Variants in EML6 observed in about 807,000 individuals in gnomAD.
The protein encoded by EML6 is EMAP like 6, also known as echinoderm microtubule-associated protein-like 6.
In EML6, 154 loss-of-function variants were observed where a neutral mutation model predicts 240.1. That is an observed-to-expected ratio of 0.64 (90% CI 0.56 to 0.73). EML6 has a LOEUF of 0.73. EML6 is among the 30% of genes least tolerant of loss of function. EML6 has a pLI of 0.00. For missense variants in EML6, 2,964 were observed against 2,474.6 expected, an observed-to-expected ratio of 1.20 and a Z score of -4.20; for synonymous variants, 1,148 against 899.0, an observed-to-expected ratio of 1.28 and a Z score of -4.95.
intron 13 of EML6, among the ~76,000 whole-genome samples, chr2:54,864,866 C>T (rs1670883667): frequency 6.6e-6 from 1 of 152,172 alleles, no homozygotes; most frequent in Admixed American, 6.5e-5. Context: ...GTCATTGATT[C>T]AGAGTTTGAA....
chr2:54,970,057 A>C lies in EML6; in HGVS notation c.5853-14A>C, dbSNP rs1223397694. ...TCCAGCTATGCAAAATGACTGTTTG[A>C]TCTGCCTTTTCAGTGTATTTGTGTG... On this transcript the variant is annotated splice_polypyrimidine_tract_variant and intron_variant, in intron 41 of 41. Transcript: ENST00000356458. 1.9e-6 allele frequency: 3 copies of C among 1,551,584 alleles called. No individual in the cohort carries two copies. In the African/African-American group the frequency reaches 4.1e-5, roughly 21 times the overall value.
intron 2 of EML6, among the ~76,000 whole-genome samples, chr2:54,745,696 G>T (rs557217629): frequency 5.9e-5 from 9 of 152,234 alleles, no homozygotes; most frequent in East Asian, 1.9e-4. Context: ...AGAGAGTATT[G>T]CTTGAGCCCA....
In EML6 at chr2:54,964,036, C is replaced by T. The variant is rs929145110; in HGVS notation, c.5208C>T (p.Tyr1736=). ...GCCATGCGGCCAGGTGTGCAGCCTA[C>T]AGCCCTGATGGGGAGATGGTGGCCA... The part of the protein sequence containing the change: ...SLGHAARCAA[Y]SPDGEMVAIG... Residue 1736 remains tyrosine (Y), a synonymous_variant, in exon 37 of 42, where the codon TAC becomes TAT. Transcript: ENST00000356458. 2.2e-5 allele frequency: 34 copies of T among 1,551,594 alleles called. No homozygotes were observed. Among genetic ancestry groups the T allele is most frequent in the Non-Finnish European group, 2.9e-5 (33 of 1,146,984 alleles).
At chr2:54,761,997 GACACA>G (rs1668000937) in intron 2 of EML6, among the ~76,000 whole-genome samples, 1 of 152,134 alleles carries the variant, frequency 6.6e-6, no homozygotes, top group South Asian at 2.1e-4. Flanking sequence ...ATTTAATGTT[GACACA>G]ATACTGTTAT....
chr2:54,904,805 A>T (rs1369164446), intron 24 of EML6, among the ~76,000 whole-genome samples: 2 of 152,200 alleles, frequency 1.3e-5, no homozygotes, highest in Non-Finnish European at 2.9e-5. Flanking sequence ...CAATCAAATT[A>T]ATCAGGAGAA....
At chr2:54,868,126 T>C (rs547002926) in intron 14 of EML6, 2 of 152,236 alleles carry the variant, frequency 1.3e-5, no homozygotes, top group African/African-American at 4.8e-5. Flanking sequence ...CATGTTGATA[T>C]AGTAATATCT....
In EML6 at chr2:54,725,540, C is replaced by T. The variant is rs1286912395; in HGVS notation, c.197+282C>T. ...TCTGATGCTTTCTTGCTGTTCTTTC[C>T]TGCTACAAGTGGAAGGAGCCTGGGT... On this transcript the variant is annotated intron_variant, in intron 2 of 41. Transcript: ENST00000356458. The surrounding 1 kb of genome is among the most constrained non-coding windows in gnomAD (Gnocchi z 4.3). Among the ~76,000 whole-genome samples the T allele has an allele frequency of 6.6e-6, 1 of 152,166 alleles. No homozygotes were observed. Among genetic ancestry groups the T allele is most frequent in the Non-Finnish European group, 1.5e-5 (1 of 68,032 alleles).
At chr2:54,737,527 G>A (rs1433176568) in intron 2 of EML6, among the ~76,000 whole-genome samples, 2 of 152,122 alleles carry the variant, frequency 1.3e-5, no homozygotes, top group Non-Finnish European at 1.5e-5. Flanking sequence ...TTGAACTCCT[G>A]ACCTTAATAA....
chr2:54,766,292 A>T (rs1406022743), intron 2 of EML6, among the ~76,000 whole-genome samples: 1 of 152,202 alleles, frequency 6.6e-6, no homozygotes, highest in Non-Finnish European at 1.5e-5. Flanking sequence ...GCAAAAGAAA[A>T]TCCCAGATCA....
At chr2:54,762,645 T>G (rs941690215) in intron 2 of EML6, among the ~76,000 whole-genome samples, 14 of 152,208 alleles carry the variant, frequency 9.2e-5, no homozygotes, top group Admixed American at 8.5e-4. Context: ...CTTATTTATT[T>G]TGATGCTCAG....
At chr2:54,775,783 G>T (rs1272650986) in intron 2 of EML6, among the ~76,000 whole-genome samples, 1 of 152,024 alleles carries the variant, frequency 6.6e-6, no homozygotes, top group Non-Finnish European at 1.5e-5. Context: ...CTGCCCTTGT[G>T]GAATGGGAAT....
intron 7 of EML6, among the ~76,000 whole-genome samples, chr2:54,840,745 C>T (rs897130392): frequency 6.6e-6 from 1 of 152,184 alleles, no homozygotes; most frequent in African/African-American, 2.4e-5. Flanking sequence ...GTCACTGTGC[C>T]AGGTATTGAG....
intron 2 of EML6, among the ~76,000 whole-genome samples, chr2:54,808,322 G>T (rs1221190341): frequency 6.6e-6 from 1 of 152,100 alleles, no homozygotes; most frequent in African/African-American, 2.4e-5. Flanking sequence ...TGCCTTTTCT[G>T]CCTTGCAGAT....
intron 2 of EML6, among the ~76,000 whole-genome samples, chr2:54,792,663 T>A (rs1354125670): frequency 2.6e-5 from 4 of 152,238 alleles, no homozygotes; most frequent in African/African-American, 9.6e-5. Flanking sequence ...TTTTCCTGTA[T>A]GTAATTTATA....
intron 18 of EML6, among the ~76,000 whole-genome samples, chr2:54,891,570 G>A (rs1672469495): frequency 6.6e-6 from 1 of 152,094 alleles, no homozygotes; most frequent in African/African-American, 2.4e-5. Flanking sequence ...ACAAATAGGT[G>A]GTCCAATAAA....
In EML6 at chr2:54,869,166, G is replaced by A. The variant is rs1323768984; in HGVS notation, c.2052-15G>A. Reference sequence around the variant, plus strand: ...TTTGTTCAACCACTATGCATTTCTTGGACCTGTGCTTCAGTTATAGAGGCT... The same window carrying A: ...TTTGTTCAACCACTATGCATTTCTTAGACCTGTGCTTCAGTTATAGAGGCT... On this transcript the variant is annotated splice_polypyrimidine_tract_variant and intron_variant, in intron 14 of 41. Transcript: ENST00000356458. 1 of 1,532,008 alleles carries A rather than the reference G, an allele frequency of 6.5e-7. No homozygotes were observed. Among genetic ancestry groups the A allele is most frequent in the Non-Finnish European group, 8.8e-7 (1 of 1,131,732 alleles). The allele number at this position is 1,532,008 out of a possible 1,614,324, so 94.9% of individuals were successfully genotyped here.
At chr2:54,807,730 A>C (rs1670572722) in intron 2 of EML6, among the ~76,000 whole-genome samples, 1 of 152,194 alleles carries the variant, frequency 6.6e-6, no homozygotes. Flanking sequence ...AGTATGTATT[A>C]CCTTTGCTTT....
At chr2:54,957,742 G>A (rs1334352497) in intron 32 of EML6, 48 bp from the exon 33 acceptor site, 1 of 1,526,038 alleles carries the variant, frequency 6.6e-7, no homozygotes, top group Admixed American at 2.0e-5. Context: ...CCCCCGGCCT[G>A]GCCCATGAAG....
chr2:54,933,761 A>C (rs1573173456), intron 28 of EML6, among the ~76,000 whole-genome samples: 1 of 151,138 alleles, frequency 6.6e-6, no homozygotes, highest in African/African-American at 2.4e-5. Context: ...CCCACTAAAA[A>C]CCCCCACTAT....
Sources: allele counts gnomAD v4.1 joint callset (sites outside exome capture counted in the v4.1 genomes callset), GRCh38; gene constraint gnomAD v4.1.1; non-coding constraint Gnocchi (gnomAD v3.1); transcripts MANE v1.5; gene names NCBI Gene and HGNC (gene_info 2026-07-23, HGNC 2026-07-21).